Variants in DPP10 observed in about 807,000 individuals in gnomAD.
DPP10 encodes the protein inactive dipeptidyl peptidase 10.
DPP10 carries 33 observed loss-of-function variants against 120.9 expected under a neutral mutation model. The observed-to-expected ratio is 0.27, with a 90% CI of 0.21 to 0.37. DPP10 has a LOEUF of 0.37. Among genes scored for constraint, DPP10 ranks in the 10% least tolerant of loss-of-function variants. The pLI, the probability that DPP10 is intolerant of heterozygous loss-of-function variation, is 1.00. For synonymous variants in DPP10, 337 were observed against 326.1 expected, an observed-to-expected ratio of 1.03 and a Z score of -0.36; for missense variants, 816 against 942.8, an observed-to-expected ratio of 0.87 and a Z score of 1.76.
chr2:115,561,096 C>A (rs1440673331), intron 5 of DPP10, among the ~76,000 whole-genome samples: 2 of 152,078 alleles, frequency 1.3e-5, no homozygotes, highest in Non-Finnish European at 2.9e-5. Flanking sequence ...CGCCTGTAAT[C>A]CCAGCACTTT....
intron 3 of DPP10, among the ~76,000 whole-genome samples, chr2:115,459,942 C>T (rs866134712): frequency 4.1e-5 from 1 of 24,316 alleles, no homozygotes; most frequent in Admixed American, 6.0e-4. Context: ...TATATATACA[C>T]ACACACACCT....
intron 1 of DPP10, among the ~76,000 whole-genome samples, chr2:114,580,479 G>C (rs1328948123): frequency 6.6e-6 from 1 of 152,236 alleles, no homozygotes; most frequent in Non-Finnish European, 1.5e-5. Flanking sequence ...AAGAGAGACA[G>C]AGAGACACAG....
chr2:115,191,003 G>A (rs1415767752), intron 1 of DPP10, among the ~76,000 whole-genome samples: 5 of 152,146 alleles, frequency 3.3e-5, no homozygotes. Flanking sequence ...AGAAGGAGGT[G>A]CAGGAGGTGA....
chr2:114,858,706 A>G (rs1689561470), intron 1 of DPP10, among the ~76,000 whole-genome samples: 1 of 152,164 alleles, frequency 6.6e-6, no homozygotes, highest in Non-Finnish European at 1.5e-5. Context: ...GTTAGATTTT[A>G]TAATATATAG....
At chr2:114,616,049 C>G (rs774947459) in intron 1 of DPP10, among the ~76,000 whole-genome samples, 3 of 152,080 alleles carry the variant, frequency 2.0e-5, no homozygotes, top group Non-Finnish European at 4.4e-5. Flanking sequence ...GTTGGCTCAT[C>G]ATAAATCAAA....
intron 3 of DPP10, among the ~76,000 whole-genome samples, chr2:115,406,189 A>C (rs946883313): frequency 2.0e-5 from 3 of 152,190 alleles, no homozygotes; most frequent in African/African-American, 7.2e-5. Context: ...TAGGACAGGG[A>C]CACAATATGA....
At chr2:114,458,670 G>A (rs943814690) in intron 1 of DPP10, among the ~76,000 whole-genome samples, 34 of 152,136 alleles carry the variant, frequency 2.2e-4, no homozygotes, top group African/African-American at 7.5e-4. Flanking sequence ...TCATCTGTTA[G>A]ATAGGATAAT....
intron 5 of DPP10, among the ~76,000 whole-genome samples, chr2:115,568,235 A>G (rs1216144612): frequency 1.3e-5 from 2 of 151,600 alleles, no homozygotes; most frequent in African/African-American, 4.8e-5. Context: ...CTGTAATCCC[A>G]GCACTGTGGG....
chr2:115,788,914 C>T (rs1683632711), intron 17 of DPP10, among the ~76,000 whole-genome samples: 2 of 152,116 alleles, frequency 1.3e-5, no homozygotes, highest in South Asian at 4.2e-4. Flanking sequence ...GTCAGGAGAT[C>T]GAGACCATCC....
At chr2:114,683,780 C>G (rs1445062110) in intron 1 of DPP10, among the ~76,000 whole-genome samples, 1 of 151,812 alleles carries the variant, frequency 6.6e-6, no homozygotes, top group Admixed American at 6.6e-5. Context: ...TTTCCCCTGC[C>G]ATCCTAGCTG....
In DPP10 at chr2:114,834,793, A is replaced by ACCTATGTATATATAAGCCATATCTACG. The variant is rs1687539157; in HGVS notation, c.60+391956_60+391957insCTATGTATATATAAGCCATATCTACGC. Among the ~76,000 whole-genome samples the ACCTATGTATATATAAGCCATATCTACG allele has an allele frequency of 1.6e-5, 2 of 124,316 alleles. 1 individual carries two copies. Among genetic ancestry groups the ACCTATGTATATATAAGCCATATCTACG allele is most frequent in the African/African-American group, 9.9e-5 (2 of 20,144 alleles). The allele number at this position is 124,316 out of a possible 152,430, so 81.6% of individuals were successfully genotyped here. On this transcript the variant is annotated intron_variant, in intron 1 of 25. Transcript: ENST00000410059. ...CTATGTATATATAAGCCATGTCTAC[A>ACCTATGTATATATAAGCCATATCTACG]CACCTATGTATATATAAGCCATGTC...
chr2:114,797,236 T>G (rs1683794994), intron 1 of DPP10, among the ~76,000 whole-genome samples: 1 of 152,172 alleles, frequency 6.6e-6, no homozygotes, highest in African/African-American at 2.4e-5. Flanking sequence ...GTTTCAGAGT[T>G]GAATATCTGA....
chr2:115,297,273 A>C (rs770166502), intron 1 of DPP10: 2 of 410,266 alleles, frequency 4.9e-6, no homozygotes, highest in Non-Finnish European at 9.9e-6. Context: ...GCCTAGGAAG[A>C]TGAAAGCCTT....
At chr2:115,828,137 A>G (rs562244064) in intron 21 of DPP10, among the ~76,000 whole-genome samples, 1 of 151,916 alleles carries the variant, frequency 6.6e-6, no homozygotes, top group Admixed American at 6.6e-5. Context: ...TAAATATTTT[A>G]TTATTTTCTG....
chr2:114,896,980 T>G (rs537481671), intron 1 of DPP10, among the ~76,000 whole-genome samples: 38 of 152,352 alleles, frequency 2.5e-4, no homozygotes, highest in African/African-American at 7.9e-4. Flanking sequence ...CTTTTCTGCA[T>G]CTATTGAGAT....
intron 1 of DPP10, among the ~76,000 whole-genome samples, chr2:114,512,340 C>T (rs75311526): frequency 0.01 from 1,532 of 152,188 alleles, 27 homozygotes; most frequent in African/African-American, 0.033. Flanking sequence ...CTAAACTAAC[C>T]ATCCCTTCCT....
At chr2:115,649,510 A>G (rs1190908533) in intron 5 of DPP10, among the ~76,000 whole-genome samples, 1 of 152,198 alleles carries the variant, frequency 6.6e-6, no homozygotes, top group East Asian at 1.9e-4. Flanking sequence ...TTAGGAACCC[A>G]TTGATCAATG....
chr2:115,558,482 T>C (rs551345151), intron 5 of DPP10, among the ~76,000 whole-genome samples: 4 of 152,158 alleles, frequency 2.6e-5, no homozygotes, highest in Admixed American at 1.3e-4. Flanking sequence ...AAAATGCTAT[T>C]ACCAATCTCA....
chr2:115,543,260 A>T (rs55913162), intron 5 of DPP10, among the ~76,000 whole-genome samples: 27,336 of 151,992 alleles, frequency 0.18, 3,265 homozygotes, highest in East Asian at 0.39. Flanking sequence ...TTGGGCAGTT[A>T]TGTGATCTAA....
Sources: allele counts gnomAD v4.1 joint callset (sites outside exome capture counted in the v4.1 genomes callset), GRCh38; gene constraint gnomAD v4.1.1; transcripts MANE v1.5; gene names NCBI Gene and HGNC (gene_info 2026-07-23, HGNC 2026-07-21).